The following DOCK3 variants were observed in gnomAD, a reference collection of about 807,000 sequenced individuals.
DOCK3 encodes dedicator of cytokinesis protein 3.
DOCK3 carries 60 observed loss-of-function variants against 265.6 expected under a neutral mutation model. The ratio of observed to expected loss-of-function variants is 0.23; its 90% CI spans 0.18 to 0.28. DOCK3 has a LOEUF of 0.28. Among genes scored for constraint, DOCK3 ranks in the 10% least tolerant of loss-of-function variants. The pLI is 1.00. For synonymous variants in DOCK3, 881 were observed against 938.0 expected (o/e 0.94, Z 1.11); for missense variants, 1,981 against 2,594.3 (o/e 0.76, Z 5.14).
At chr3:51,233,358 C>CTATCTATCTATTTATTTATTTATT (rs1553803193) in intron 19 of DOCK3, among the ~76,000 whole-genome samples, 2 of 61,078 alleles carry the variant, frequency 3.3e-5, no homozygotes, top group African/African-American at 6.0e-5. Flanking sequence ...ATCTATCTAT[C>CTATCTATCTATTTATTTATTTATT]TATTTATTTA....
At chr3:50,954,834 C>T (rs1248282164) in intron 5 of DOCK3, among the ~76,000 whole-genome samples, 1 of 149,754 alleles carries the variant, frequency 6.7e-6, no homozygotes, top group Non-Finnish European at 1.5e-5. Flanking sequence ...TTAATTAGAT[C>T]CTATTTGTCA....
chr3:51,350,404 C>G lies in DOCK3; in HGVS notation c.4107+12C>G. 6.2e-7 allele frequency: 1 copy of G among 1,605,098 alleles called. No individual in the cohort carries two copies. On this transcript the variant is annotated intron_variant, in intron 40 of 52. Transcript: ENST00000266037. Reference sequence around the variant, plus strand: ...CTTTCTTTCTTCGGGTGAGTCCATTCAGATGGTCACAAGAACTTATATATT... The same window carrying G: ...CTTTCTTTCTTCGGGTGAGTCCATTGAGATGGTCACAAGAACTTATATATT...
At chr3:51,120,056 G>A (rs895199011) in intron 9 of DOCK3, among the ~76,000 whole-genome samples, 1 of 151,998 alleles carries the variant, frequency 6.6e-6, no homozygotes, top group African/African-American at 2.4e-5. Context: ...CTGGTTTTTG[G>A]AATTTTCAGC....
chr3:51,308,865 G>T (rs1258601702), intron 27 of DOCK3, among the ~76,000 whole-genome samples: 5 of 151,810 alleles, frequency 3.3e-5, no homozygotes, highest in South Asian at 2.1e-4. Flanking sequence ...TCACTTCTCA[G>T]ACGGGGCGGC....
chr3:51,148,273 G>A (rs1234604761), intron 10 of DOCK3, among the ~76,000 whole-genome samples: 1 of 152,140 alleles, frequency 6.6e-6, no homozygotes, highest in African/African-American at 2.4e-5. Flanking sequence ...TTGCAAAAAT[G>A]TTCTCCCATT....
chr3:51,141,108 G>A (rs1480204155), intron 9 of DOCK3, among the ~76,000 whole-genome samples: 2 of 150,418 alleles, frequency 1.3e-5, no homozygotes, highest in East Asian at 3.9e-4. Flanking sequence ...TTTTTTTGTT[G>A]TTGCTTGTGC....
At chr3:51,012,357 C>T (rs754045528) in intron 5 of DOCK3, among the ~76,000 whole-genome samples, 2 of 152,226 alleles carry the variant, frequency 1.3e-5, no homozygotes, top group Admixed American at 6.5e-5. Context: ...GGCAGGCACC[C>T]TCCTCCAGCC....
chr3:51,312,344 A>G, intron 29 of DOCK3, 132 bp from the exon 30 acceptor site: 1 of 928,816 alleles, frequency 1.1e-6, no homozygotes, highest in Non-Finnish European at 1.6e-6. Flanking sequence ...TTGCAAAGAT[A>G]TTTAAAAGGG....
chr3:51,375,607 A>AC, intron 50 of DOCK3, 141 bp from the exon 51 acceptor site: 1 of 892,928 alleles, frequency 1.1e-6, no homozygotes, highest in Non-Finnish European at 1.8e-6. Flanking sequence ...GGGTCTCAGT[A>AC]TATCTCAAGT....
intron 4 of DOCK3, among the ~76,000 whole-genome samples, chr3:50,927,862 A>T (rs960102934): frequency 8.5e-5 from 13 of 152,152 alleles, no homozygotes; most frequent in Non-Finnish European, 1.9e-4. Flanking sequence ...AAGGAAAAAA[A>T]TAATCCCACA....
chr3:51,199,435 G>C (rs2088556976), intron 12 of DOCK3, among the ~76,000 whole-genome samples: 1 of 152,178 alleles, frequency 6.6e-6, no homozygotes, highest in Admixed American at 6.5e-5. Context: ...CTCGCTGATT[G>C]CTAGCACAGC....
intron 4 of DOCK3, among the ~76,000 whole-genome samples, chr3:50,921,397 A>G (rs950491879): frequency 6.6e-6 from 1 of 152,168 alleles, no homozygotes; most frequent in Non-Finnish European, 1.5e-5. Flanking sequence ...TTTCAGCTCC[A>G]TCAGGTTATT....
intron 6 of DOCK3, among the ~76,000 whole-genome samples, chr3:51,067,726 T>C (rs934151133): frequency 3.3e-5 from 5 of 152,092 alleles, no homozygotes; most frequent in Non-Finnish European, 5.9e-5. Flanking sequence ...GGTCTGTCAT[T>C]ATTGAAAGGA....
chr3:50,731,662 T>TA (rs2038221384), intron 1 of DOCK3, among the ~76,000 whole-genome samples: 2 of 152,158 alleles, frequency 1.3e-5, no homozygotes, highest in Non-Finnish European at 2.9e-5. Flanking sequence ...AGGTAAAACT[T>TA]ACCACCATTT....
At chr3:51,213,238 C>T (rs988279000) in intron 13 of DOCK3, among the ~76,000 whole-genome samples, 20 of 152,156 alleles carry the variant, frequency 1.3e-4, no homozygotes, top group South Asian at 2.1e-4. Context: ...CCAGTGAGGA[C>T]GCCTCCTGTC....
At chr3:51,101,011 C>T (rs2083060393) in intron 9 of DOCK3, among the ~76,000 whole-genome samples, 1 of 151,082 alleles carries the variant, frequency 6.6e-6, no homozygotes, top group African/African-American at 2.4e-5. Context: ...TGCTATGTTG[C>T]CCAGACTGAT....
intron 35 of DOCK3, chr3:51,337,004 A>G (rs1207872433): frequency 4.8e-6 from 2 of 415,774 alleles, no homozygotes; most frequent in Non-Finnish European, 9.7e-6. Context: ...TCACTCCTCG[A>G]AAAGTCAAGC....
intron 1 of DOCK3, among the ~76,000 whole-genome samples, chr3:50,730,423 G>A (rs879664841): frequency 2.0e-5 from 3 of 152,178 alleles, no homozygotes; most frequent in Non-Finnish European, 4.4e-5. Flanking sequence ...GATTACAGGC[G>A]TGAGCCGCTG....
intron 5 of DOCK3, among the ~76,000 whole-genome samples, chr3:51,016,653 TTATA>T (rs2079287577): frequency 2.4e-5 from 2 of 83,820 alleles, no homozygotes; most frequent in Non-Finnish European, 3.9e-5. Context: ...ATTTATATGT[TTATA>T]TATATTATAT....
Sources: allele counts gnomAD v4.1 joint callset (sites outside exome capture counted in the v4.1 genomes callset), GRCh38; gene constraint gnomAD v4.1.1; transcripts MANE v1.5; gene names NCBI Gene and HGNC (gene_info 2026-07-23, HGNC 2026-07-21).